Variants in DPP6 observed in about 807,000 individuals in gnomAD.
DPP6 encodes the protein dipeptidyl peptidase like 6.
Under a neutral mutation model 122.6 loss-of-function variants are expected in DPP6, and 69 were observed. The ratio of observed to expected loss-of-function variants is 0.56; its 90% confidence interval spans 0.46 to 0.69. The LOEUF (loss-of-function observed/expected upper bound fraction) is 0.69, where lower values mean the gene tolerates loss of function less well. DPP6 is among the 30% of genes least tolerant of loss of function. DPP6 has a pLI of 0.00. For missense variants in DPP6, 928 were observed against 1,116.9 expected, an observed-to-expected ratio of 0.83 and a Z score of 2.41; for synonymous variants, 418 against 433.1, an observed-to-expected ratio of 0.97 and a Z score of 0.43.
the DPP6 span, among the ~76,000 whole-genome samples, chr7:153,849,899 T>G: frequency 6.6e-6 from 1 of 152,292 alleles, no homozygotes; most frequent in African/African-American, 2.4e-5. Context: ...AGTTAAAAAA[T>G]CAATTAATTT....
intron 1 of DPP6, among the ~76,000 whole-genome samples, chr7:154,145,238 C>G (rs867230126): frequency 6.8e-6 from 1 of 146,512 alleles, no homozygotes; most frequent in Non-Finnish European, 1.5e-5. Context: ...ACAGAGGAGG[C>G]GACTAGAGAG....
At chr7:154,596,821 C>T (rs1160705455) in intron 5 of DPP6, among the ~76,000 whole-genome samples, 1 of 152,178 alleles carries the variant, frequency 6.6e-6, no homozygotes, top group African/African-American at 2.4e-5. Flanking sequence ...GCGCCTTGCT[C>T]TATTTGAGAT....
chr7:154,023,575 G>A (rs1444129021), intron 1 of DPP6, among the ~76,000 whole-genome samples: 4 of 151,548 alleles, frequency 2.6e-5, no homozygotes, highest in South Asian at 2.1e-4. Flanking sequence ...TCCGCCTCCT[G>A]GGTTCAAGTG....
At chr7:154,085,712 G>A (rs1429754613) in intron 1 of DPP6, among the ~76,000 whole-genome samples, 1 of 151,930 alleles carries the variant, frequency 6.6e-6, no homozygotes, top group African/African-American at 2.4e-5. Flanking sequence ...AGTATGCTTA[G>A]TACTTATTTT....
At chr7:153,823,761 AG>A in the DPP6 span, among the ~76,000 whole-genome samples, 1 of 152,072 alleles carries the variant, frequency 6.6e-6, no homozygotes. Context: ...CATGCTGAAA[AG>A]GGTGAATTTT....
At chr7:154,805,292 C>A (rs1025408286) in intron 15 of DPP6, among the ~76,000 whole-genome samples, 3 of 152,318 alleles carry the variant, frequency 2.0e-5, no homozygotes, top group South Asian at 4.1e-4. Context: ...TTCTGCCCCC[C>A]CTGCCCCACC....
At position 154,549,418 on chromosome 7, in the gene DPP6, A is replaced by G. The variant is rs776422727; in HGVS notation, c.552+8792A>G. 7.9e-5 allele frequency among the ~76,000 whole-genome samples: 12 copies of G among 152,334 alleles called. 1 individual carries two copies. The highest frequency in any genetic ancestry group is 2.0e-4 in the Admixed American group (3 of 15,304). ...AGTAAAACTTCATGATTCAGAGGCA[A>G]ATCAGCATCCTTTTCAATGTCAGTA... is the stretch of plus-strand genomic sequence containing the variant. On this transcript the variant is annotated intron_variant, in intron 4 of 25. Transcript: ENST00000377770.
chr7:154,840,247 T>C (rs937198403), intron 16 of DPP6, among the ~76,000 whole-genome samples: 2 of 152,170 alleles, frequency 1.3e-5, no homozygotes, highest in Admixed American at 6.5e-5. Context: ...GTCGCTACCC[T>C]CAGGACACAC....
intron 6 of DPP6, among the ~76,000 whole-genome samples, chr7:154,660,658 G>A (rs1418628066): frequency 1.5e-4 from 20 of 130,124 alleles, no homozygotes; most frequent in Non-Finnish European, 2.4e-4. Context: ...TCACCATGGC[G>A]TATTGGCCGT....
intron 1 of DPP6, among the ~76,000 whole-genome samples, chr7:154,188,917 T>C (rs879911142): frequency 1.3e-5 from 2 of 152,256 alleles, no homozygotes; most frequent in Non-Finnish European, 2.9e-5. Context: ...TGGAGGCAGC[T>C]TGTGTATTAG....
chr7:154,756,840 A>G (rs1036669321), intron 8 of DPP6, among the ~76,000 whole-genome samples: 2 of 152,040 alleles, frequency 1.3e-5, no homozygotes, highest in East Asian at 1.9e-4. Flanking sequence ...GCCCGCCACA[A>G]TCAAAGCTGT....
In DPP6 at chr7:154,690,200, T is replaced by TATAAGGAC. The variant is rs555712974; in HGVS notation, c.762+20760_762+20767dup. On this transcript the variant is annotated intron_variant, in intron 7 of 25. Transcript: ENST00000377770. ...ATGAACATATGAAATGTCAGTGTTT[T>TATAAGGAC]ATAAGGACCTGTGTCCTCAGATTCC... Among the ~76,000 whole-genome samples, 25 of 152,322 alleles carry TATAAGGAC rather than the reference T, an allele frequency of 1.6e-4. No individual in the cohort carries two copies. In the East Asian group the frequency reaches 4.8e-3, roughly 29 times the overall value.
chr7:154,194,643 G>T (rs143957449), intron 1 of DPP6, among the ~76,000 whole-genome samples: 9 of 152,132 alleles, frequency 5.9e-5, no homozygotes, highest in Admixed American at 1.3e-4. Flanking sequence ...GAATTCTTTC[G>T]TTGTCAGACT....
chr7:153,948,172 GA>G (rs1435471905), intron 1 of DPP6, among the ~76,000 whole-genome samples: 4 of 152,096 alleles, frequency 2.6e-5, no homozygotes, highest in Non-Finnish European at 2.9e-5. Flanking sequence ...AAATTGCCAT[GA>G]TTTTTTTTCA....
At chr7:154,063,654 T>C (rs6951965) in intron 1 of DPP6, among the ~76,000 whole-genome samples, 10,366 of 50,548 alleles carry the variant, frequency 0.21, 63 homozygotes, top group African/African-American at 0.34. Context: ...CTCTTCCCCC[T>C]CTGGCGCTTA....
intron 1 of DPP6, among the ~76,000 whole-genome samples, chr7:154,194,407 T>C (rs1798764061): frequency 6.6e-6 from 1 of 152,212 alleles, no homozygotes; most frequent in Non-Finnish European, 1.5e-5. Flanking sequence ...TACAACAAAT[T>C]GCACATATTT....
chr7:154,314,341 G>A (rs1807242100), intron 1 of DPP6, among the ~76,000 whole-genome samples: 1 of 152,202 alleles, frequency 6.6e-6, no homozygotes, highest in Admixed American at 6.5e-5. Context: ...CCTACTATGT[G>A]CTGACATCCC....
Position 154,630,726 on chromosome 7 carries a change from T to G in DPP6, c.628-7095T>G, listed in dbSNP as rs140733127. Among the ~76,000 whole-genome samples, 770 of 151,568 alleles carry G rather than the reference T, an allele frequency of 5.1e-3. 3 individuals are homozygous for G. Among genetic ancestry groups the G allele is most frequent in the African/African-American group, 0.017 (722 of 41,270 alleles). ...ACATGTTCTCATTCATAAGTGGGAG[T>G]TGAACAATAAGAACACATGGACACC... is the stretch of plus-strand genomic sequence containing the variant. On this transcript the variant is annotated intron_variant, in intron 5 of 25. Coordinates refer to ENST00000377770, the MANE Select transcript of DPP6 (RefSeq NM_130797.4).
chr7:154,891,380 C>T (rs1433021271), intron 25 of DPP6: 2 of 152,198 alleles, frequency 1.3e-5, no homozygotes, highest in African/African-American at 4.8e-5. Context: ...AATGAGCCCA[C>T]ATTCCAGGCC....
Sources: gnomAD v4.1 joint callset for allele counts (sites outside exome capture counted in the v4.1 genomes callset) on GRCh38, gnomAD v4.1.1 for gene constraint, MANE v1.5 for transcripts, NCBI Gene and HGNC (gene_info 2026-07-23, HGNC 2026-07-21) for gene names.